Variants in CLIP2 observed in about 807,000 individuals in gnomAD.
CLIP2 encodes CAP-Gly domain-containing linker protein 2.
In CLIP2, 41 loss-of-function variants were observed where a neutral mutation model predicts 111.7. The ratio of observed to expected loss-of-function variants is 0.37; its 90% CI spans 0.29 to 0.48. The LOEUF is 0.48. Among genes scored for constraint, CLIP2 ranks in the 20% least tolerant of loss-of-function variants. CLIP2 has a pLI of 0.99. For synonymous variants in CLIP2, 660 were observed against 644.2 expected (o/e 1.02, Z -0.37); for missense variants, 1,160 against 1,422.1 (o/e 0.82, Z 2.96).
chr7:74,318,113 G>A (rs1346264912), intron 2 of CLIP2, among the ~76,000 whole-genome samples: 1 of 151,764 alleles, frequency 6.6e-6, no homozygotes, highest in Admixed American at 6.6e-5. Context: ...GAGGAGAATC[G>A]CCTGGGCAAC....
chr7:74,336,856 T>G (rs13221000), intron 2 of CLIP2, among the ~76,000 whole-genome samples: 18 of 23,584 alleles, frequency 7.6e-4, no homozygotes, highest in South Asian at 3.2e-3. Flanking sequence ...TGTTTGTTTT[T>G]TTTGTTTTTT....
chr7:74,315,440 T>TA (rs1564033015), intron 1 of CLIP2, among the ~76,000 whole-genome samples: 1 of 152,160 alleles, frequency 6.6e-6, no homozygotes, highest in African/African-American at 2.4e-5. Context: ...GAACAGGGTC[T>TA]CACTATGTTG....
intron 8 of CLIP2, among the ~76,000 whole-genome samples, chr7:74,369,604 C>A (rs1482626251): frequency 6.6e-6 from 1 of 151,880 alleles, no homozygotes; most frequent in Non-Finnish European, 1.5e-5. Flanking sequence ...CACCTGTAAT[C>A]CCAGCACTTT....
At chr7:74,400,303 G>A in intron 14 of CLIP2, 67 bp from the exon 15 acceptor site, 1 of 1,377,306 alleles carries the variant, frequency 7.3e-7, no homozygotes, top group South Asian at 1.4e-5. Context: ...TTCCTGCCTA[G>A]AGTTGAGACG....
chr7:74,323,370 C>T (rs1039091770), intron 2 of CLIP2, among the ~76,000 whole-genome samples: 11 of 151,714 alleles, frequency 7.3e-5, no homozygotes, highest in Admixed American at 5.3e-4. Flanking sequence ...CCTCAGCCTA[C>T]CAAAGGGCGT....
At chr7:74,372,720 A>C (rs1790664388) in intron 8 of CLIP2, among the ~76,000 whole-genome samples, 2 of 138,986 alleles carry the variant, frequency 1.4e-5, no homozygotes. Context: ...AGGGGTGGGC[A>C]TGAGGCCCCA....
At chr7:74,348,694 G>A (rs1466507340) in intron 3 of CLIP2, among the ~76,000 whole-genome samples, 1 of 151,252 alleles carries the variant, frequency 6.6e-6, no homozygotes, top group Non-Finnish European at 1.5e-5. Flanking sequence ...GGAGGCTGAG[G>A]CAGGAGAATG....
chr7:74,317,849 G>A (rs1453201486), intron 2 of CLIP2, among the ~76,000 whole-genome samples, 182 bp downstream of exon 2: 4 of 152,208 alleles, frequency 2.6e-5, no homozygotes, highest in Admixed American at 6.6e-5. Flanking sequence ...TCCCCAGGGA[G>A]GGGACATGGG....
intron 8 of CLIP2, 91 bp from the exon 9 acceptor site, chr7:74,372,841 T>TC: frequency 1.5e-6 from 1 of 682,956 alleles, no homozygotes. Flanking sequence ...TCTCTCTCTC[T>TC]TTCTCTCTCT....
chr7:74,334,043 G>A (rs1316626126), intron 2 of CLIP2, among the ~76,000 whole-genome samples: 1 of 152,164 alleles, frequency 6.6e-6, no homozygotes, highest in African/African-American at 2.4e-5. Context: ...GCGCTGGAAA[G>A]GACCTTAGCT....
intron 11 of CLIP2, 135 bp from the exon 12 acceptor site, chr7:74,386,386 G>A: frequency 1.5e-6 from 1 of 650,438 alleles, no homozygotes; most frequent in Non-Finnish European, 2.6e-6. Flanking sequence ...CGAGACGGCT[G>A]GAGTGAGGAA....
At chr7:74,364,859 A>C (rs1330690460) in intron 8 of CLIP2, 2 of 455,102 alleles carry the variant, frequency 4.4e-6, no homozygotes, top group Non-Finnish European at 8.8e-6. Flanking sequence ...CCATCTCTAC[A>C]AAAAATTTAA....
intron 1 of CLIP2, among the ~76,000 whole-genome samples, chr7:74,304,228 T>C (rs1788415977): frequency 6.6e-6 from 1 of 151,572 alleles, no homozygotes; most frequent in African/African-American, 2.4e-5. Flanking sequence ...ATTTTTCTTT[T>C]AAAAAAATGA....
At chr7:74,327,292 G>C (rs1789140331) in intron 2 of CLIP2, among the ~76,000 whole-genome samples, 1 of 152,062 alleles carries the variant, frequency 6.6e-6, no homozygotes, top group Non-Finnish European at 1.5e-5. Flanking sequence ...TAGTAGAGTT[G>C]GGGTTTCACC....
At chr7:74,332,735 C>T (rs149738519) in intron 2 of CLIP2, among the ~76,000 whole-genome samples, 183 of 152,268 alleles carry the variant, frequency 1.2e-3, no homozygotes, top group Non-Finnish European at 2.2e-3. Context: ...CCCTCCCTCC[C>T]GCTCCCCCGG....
intron 6 of CLIP2, among the ~76,000 whole-genome samples, chr7:74,359,028 G>A (rs1790236288): frequency 6.6e-6 from 1 of 151,962 alleles, no homozygotes; most frequent in Non-Finnish European, 1.5e-5. Flanking sequence ...GCAGTAACAC[G>A]ATCTTGGCTC....
intron 2 of CLIP2, among the ~76,000 whole-genome samples, chr7:74,337,423 G>A (rs192782109): frequency 3.3e-5 from 5 of 152,040 alleles, no homozygotes; most frequent in African/African-American, 7.2e-5. Context: ...TGGGGGTCTC[G>A]GAGACCACTT....
At chr7:74,325,618 A>C (rs1357797792) in intron 2 of CLIP2, among the ~76,000 whole-genome samples, 1 of 151,888 alleles carries the variant, frequency 6.6e-6, no homozygotes, top group Non-Finnish European at 1.5e-5. Flanking sequence ...GATCACTTGA[A>C]GTCAGGAGTT....
At position 74,403,720 on chromosome 7, in the gene CLIP2, C is replaced by G. The variant is rs1470513093; in HGVS notation, c.3130-117C>G. ...CCTCAGGGCCTTGGCACATGCAGTT[C>G]GCTCTATGCTCCTCCCCCACCCGGC... On this transcript the variant is annotated intron_variant, in intron 16 of 16. Transcript: ENST00000223398. 4.9e-6 allele frequency: 5 copies of G among 1,023,174 alleles called. No individual in the cohort carries two copies. The Admixed American group carries it at 8.5e-5, about 17-fold the overall frequency. 63.4% of individuals were successfully genotyped at this position (1,023,174 alleles called of 1,614,324 possible).
Sources: gnomAD v4.1 joint callset for allele counts (sites outside exome capture counted in the v4.1 genomes callset) on GRCh38, gnomAD v4.1.1 for gene constraint, MANE v1.5 for transcripts, NCBI Gene and HGNC (gene_info 2026-07-23, HGNC 2026-07-21) for gene names.